The following DLGAP1 variants were observed in gnomAD, a reference collection of about 807,000 sequenced individuals.
DLGAP1 encodes disks large-associated protein 1.
DLGAP1 carries 11 observed loss-of-function variants against 90.8 expected under a neutral mutation model. That is an observed-to-expected ratio of 0.12 (90% CI 0.08 to 0.20). The LOEUF (loss-of-function observed/expected upper bound fraction) is 0.20, where lower values mean the gene tolerates loss of function less well. Ranked by LOEUF, DLGAP1 falls within the 10% of genes least tolerant of loss-of-function variation. The pLI, the probability that DLGAP1 is intolerant of heterozygous loss-of-function variation, is 1.00. For synonymous variants in DLGAP1, 558 were observed against 540.7 expected (o/e 1.03, Z -0.44); for missense variants, 1,050 against 1,333.8 (o/e 0.79, Z 3.31).
intron 3 of DLGAP1, among the ~76,000 whole-genome samples, chr18:3,911,117 A>C (rs911266249): frequency 6.6e-6 from 1 of 152,208 alleles, no homozygotes; most frequent in Non-Finnish European, 1.5e-5. Context: ...AATGCCTATC[A>C]GGTAAACTTG....
intron 6 of DLGAP1, among the ~76,000 whole-genome samples, chr18:3,736,540 A>G (rs1040623799): frequency 5.9e-5 from 9 of 152,198 alleles, no homozygotes; most frequent in Non-Finnish European, 1.0e-4. Flanking sequence ...CTTAAATTCT[A>G]TAGTATTATA....
At chr18:3,821,903 G>T (rs1299463852) in intron 4 of DLGAP1, 2 of 985,064 alleles carry the variant, frequency 2.0e-6, no homozygotes, top group African/African-American at 1.7e-5. Flanking sequence ...CGATTTCTTT[G>T]CATCTTCTTT....
chr18:3,707,392 G>A (rs748354701), intron 7 of DLGAP1, among the ~76,000 whole-genome samples: 25 of 152,270 alleles, frequency 1.6e-4, no homozygotes, highest in Admixed American at 6.5e-4. Flanking sequence ...GAGGTCAGCA[G>A]TTTGAGATCA....
At chr18:4,022,685 T>C (rs1030106927) in intron 2 of DLGAP1, among the ~76,000 whole-genome samples, 2 of 152,196 alleles carry the variant, frequency 1.3e-5, no homozygotes, top group African/African-American at 4.8e-5. Context: ...ACCTGAGTGA[T>C]TTGTGGAGGG....
chr18:3,622,349 C>T (rs1183576779), intron 7 of DLGAP1, among the ~76,000 whole-genome samples: 3 of 152,146 alleles, frequency 2.0e-5, no homozygotes, highest in South Asian at 4.1e-4. Flanking sequence ...TCGTGATCTG[C>T]CTGCTTCATT....
intron 1 of DLGAP1, among the ~76,000 whole-genome samples, chr18:4,230,187 T>C (rs1386105788): frequency 6.6e-6 from 1 of 152,100 alleles, no homozygotes; most frequent in Non-Finnish European, 1.5e-5. Context: ...TTGGTAGCAA[T>C]GTAAATTAGT....
At chr18:3,702,504 C>G (rs950478983) in intron 7 of DLGAP1, among the ~76,000 whole-genome samples, 7 of 152,166 alleles carry the variant, frequency 4.6e-5, no homozygotes, top group Non-Finnish European at 7.4e-5. Flanking sequence ...TAGGGGAGAG[C>G]CTGGCAGGGT....
chr18:3,534,153 A>G, intron 10 of DLGAP1, 41 bp downstream of exon 10: 1 of 1,579,814 alleles, frequency 6.3e-7, no homozygotes, highest in Non-Finnish European at 8.6e-7. Flanking sequence ...AAGCAACCCC[A>G]GCCCCAGGGG....
chr18:4,243,451 T>A (rs1438830156), intron 1 of DLGAP1, among the ~76,000 whole-genome samples: 3 of 152,160 alleles, frequency 2.0e-5, no homozygotes, highest in African/African-American at 7.2e-5. Context: ...GCTCTGCATT[T>A]CTGGGGCTTT....
chr18:4,243,084 G>A (rs1195830972), intron 1 of DLGAP1, among the ~76,000 whole-genome samples: 1 of 152,014 alleles, frequency 6.6e-6, no homozygotes, highest in Non-Finnish European at 1.5e-5. Context: ...CTCTTAGATG[G>A]TGTGTTGTGA....
intron 1 of DLGAP1, among the ~76,000 whole-genome samples, chr18:4,277,625 C>A (rs1030204150): frequency 5.3e-5 from 8 of 152,084 alleles, no homozygotes; most frequent in Admixed American, 2.0e-4. Context: ...TTGTATAAAA[C>A]CCATTATGAA....
At chr18:3,975,699 A>G (rs1267090389) in intron 3 of DLGAP1, among the ~76,000 whole-genome samples, 1 of 152,226 alleles carries the variant, frequency 6.6e-6, no homozygotes, top group Non-Finnish European at 1.5e-5. Flanking sequence ...ATGAATGGAT[A>G]CAAAATGTGA....
intron 1 of DLGAP1, among the ~76,000 whole-genome samples, chr18:4,418,742 T>G (rs911643950): frequency 1.3e-5 from 2 of 152,028 alleles, no homozygotes; most frequent in African/African-American, 4.8e-5. Flanking sequence ...CTAACTGACA[T>G]GTAAATAGAA....
At chr18:3,892,230 T>C (rs2071488122) in intron 3 of DLGAP1, among the ~76,000 whole-genome samples, 1 of 152,034 alleles carries the variant, frequency 6.6e-6, no homozygotes, top group Admixed American at 6.6e-5. Flanking sequence ...TATGCCATTC[T>C]TTCACTTTAA....
intron 2 of DLGAP1, among the ~76,000 whole-genome samples, chr18:4,070,513 TA>T (rs1308397830): frequency 6.5e-5 from 5 of 76,746 alleles, no homozygotes; most frequent in South Asian, 6.1e-4. Context: ...TATAAAAGTA[TA>T]TTTTTTTTGC....
intron 2 of DLGAP1, among the ~76,000 whole-genome samples, chr18:4,009,274 C>T (rs73380526): frequency 0.03 from 4,497 of 152,200 alleles, 199 homozygotes; most frequent in African/African-American, 0.096. Flanking sequence ...TGCAAATGAG[C>T]GGATGCGGAT....
At chr18:3,769,920 A>C (rs1374836116) in intron 5 of DLGAP1, 1 of 152,122 alleles carries the variant, frequency 6.6e-6, no homozygotes, top group East Asian at 1.9e-4. Flanking sequence ...GTTAATCTAC[A>C]ATTATCTCAA....
At chr18:3,830,123 C>G (rs564273669) in intron 4 of DLGAP1, among the ~76,000 whole-genome samples, 1 of 152,346 alleles carries the variant, frequency 6.6e-6, no homozygotes, top group South Asian at 2.1e-4. Flanking sequence ...CTTACTGGCT[C>G]TGTACCAGCA....
At chr18:4,413,589 A>AT (rs2082829248) in intron 1 of DLGAP1, among the ~76,000 whole-genome samples, 1 of 152,212 alleles carries the variant, frequency 6.6e-6, no homozygotes, top group Non-Finnish European at 1.5e-5. Context: ...TCAGGATTGA[A>AT]TTCTAGGAAA....
Sources: gnomAD v4.1 joint callset for allele counts (sites outside exome capture counted in the v4.1 genomes callset) on GRCh38, gnomAD v4.1.1 for gene constraint, MANE v1.5 for transcripts, NCBI Gene and HGNC (gene_info 2026-07-23, HGNC 2026-07-21) for gene names.